RABGAP1L: variants seen among roughly 807,000 people sequenced by gnomAD.
RABGAP1L encodes the protein RAB GTPase activating protein 1 like, also known as rab GTPase-activating protein 1-like.
In RABGAP1L, 63 loss-of-function variants were observed where a neutral mutation model predicts 137.7. That is an observed-to-expected ratio of 0.46 (90% CI 0.37 to 0.56). The LOEUF (loss-of-function observed/expected upper bound fraction) is 0.56. Ranked by LOEUF, RABGAP1L falls within the 20% of genes least tolerant of loss-of-function variation. RABGAP1L has a pLI of 0.00. For synonymous variants in RABGAP1L, 431 were observed against 433.7 expected (o/e 0.99, Z 0.08); for missense variants, 1,095 against 1,244.0 (o/e 0.88, Z 1.80).
At chr1:174,195,644 C>T (rs1447321162) in intron 1 of RABGAP1L, among the ~76,000 whole-genome samples, 2 of 87,694 alleles carry the variant, frequency 2.3e-5, no homozygotes, top group Admixed American at 1.2e-4. Flanking sequence ...TTCCTTCCTT[C>T]CTTCCTTCCT....
chr1:174,622,380 T>C (rs1672578060), intron 13 of RABGAP1L, among the ~76,000 whole-genome samples: 1 of 152,196 alleles, frequency 6.6e-6, no homozygotes, highest in Non-Finnish European at 1.5e-5. Flanking sequence ...CTATAAATCA[T>C]GATGGTGTAA....
At chr1:174,322,103 A>T (rs1444746611) in intron 11 of RABGAP1L, among the ~76,000 whole-genome samples, 1 of 152,098 alleles carries the variant, frequency 6.6e-6, no homozygotes, top group African/African-American at 2.4e-5. Context: ...TAATTTGGCA[A>T]TTCTTTTCCT....
intron 14 of RABGAP1L, among the ~76,000 whole-genome samples, chr1:174,649,410 C>G: frequency 6.6e-6 from 1 of 151,980 alleles, no homozygotes; most frequent in Non-Finnish European, 1.5e-5. Flanking sequence ...TGACAAAATC[C>G]CTCGGCGATG....
At chr1:174,554,908 C>A (rs1299387133) in intron 13 of RABGAP1L, among the ~76,000 whole-genome samples, 1 of 152,082 alleles carries the variant, frequency 6.6e-6, no homozygotes, top group East Asian at 1.9e-4. Context: ...ATTTCCTAAT[C>A]TTTTTTGCAT....
At chr1:174,201,986 A>C (rs943898757) in intron 1 of RABGAP1L, among the ~76,000 whole-genome samples, 14 of 151,764 alleles carry the variant, frequency 9.2e-5, no homozygotes, top group Non-Finnish European at 8.8e-5. Flanking sequence ...TGAACTCATC[A>C]TTTTTTATGG....
intron 19 of RABGAP1L, among the ~76,000 whole-genome samples, chr1:174,869,624 G>C (rs917904714): frequency 6.6e-6 from 1 of 152,110 alleles, no homozygotes; most frequent in Non-Finnish European, 1.5e-5. Context: ...ACCAAGGAGT[G>C]AGACAACTTA....
At chr1:174,530,567 C>G (rs2147884630) in intron 13 of RABGAP1L, among the ~76,000 whole-genome samples, 1 of 152,270 alleles carries the variant, frequency 6.6e-6, no homozygotes, top group South Asian at 2.1e-4. Context: ...GAGGATCTTT[C>G]AATTACCTTT....
At chr1:174,610,682 G>A (rs1353238455) in intron 13 of RABGAP1L, among the ~76,000 whole-genome samples, 2 of 152,160 alleles carry the variant, frequency 1.3e-5, no homozygotes, top group Non-Finnish European at 2.9e-5. Flanking sequence ...CAGTGTAAAA[G>A]TATTCCTATT....
intron 13 of RABGAP1L, among the ~76,000 whole-genome samples, chr1:174,580,490 A>G (rs1333293656): frequency 6.6e-6 from 1 of 152,250 alleles, no homozygotes; most frequent in Admixed American, 6.5e-5. Flanking sequence ...AGGGACATGG[A>G]TTAAGCTGGA....
intron 19 of RABGAP1L, among the ~76,000 whole-genome samples, chr1:174,943,672 A>T (rs1666260798): frequency 1.3e-5 from 2 of 151,964 alleles, no homozygotes; most frequent in Non-Finnish European, 2.9e-5. Flanking sequence ...GGTCTCTACT[A>T]AAAATACAAA....
chr1:174,336,799 T>C (rs1571278733), intron 11 of RABGAP1L, among the ~76,000 whole-genome samples: 2 of 152,008 alleles, frequency 1.3e-5, no homozygotes, highest in Admixed American at 6.6e-5. Context: ...TTCCATGCAA[T>C]AATCTTGGCA....
intron 13 of RABGAP1L, among the ~76,000 whole-genome samples, chr1:174,622,711 A>AG (rs762653534): frequency 2.6e-5 from 4 of 152,160 alleles, no homozygotes; most frequent in African/African-American, 4.8e-5. Context: ...TTGTGGAGTG[A>AG]GGGAAGGCAG....
chr1:174,285,657 G>A (rs957859593), intron 10 of RABGAP1L, among the ~76,000 whole-genome samples: 2 of 151,736 alleles, frequency 1.3e-5, no homozygotes, highest in African/African-American at 4.8e-5. Context: ...TCAGTACTAT[G>A]TTGAATAGAT....
intron 18 of RABGAP1L, among the ~76,000 whole-genome samples, chr1:174,765,106 C>T (rs980937971): frequency 2.6e-5 from 4 of 152,168 alleles, no homozygotes; most frequent in Non-Finnish European, 5.9e-5. Context: ...GAATTCCTCC[C>T]GTATTAGCAG....
intron 11 of RABGAP1L, among the ~76,000 whole-genome samples, chr1:174,352,236 T>A (rs1297926107): frequency 6.6e-6 from 1 of 152,206 alleles, no homozygotes; most frequent in African/African-American, 2.4e-5. Flanking sequence ...ACCTTGTAGT[T>A]ATGGTGCATT....
At chr1:174,450,231 T>A (rs534247746) in intron 13 of RABGAP1L, among the ~76,000 whole-genome samples, 2 of 152,256 alleles carry the variant, frequency 1.3e-5, no homozygotes, top group East Asian at 1.9e-4. Flanking sequence ...ATGCCCTTTT[T>A]AAAAATAAAT....
chr1:174,570,997 A>G, intron 13 of RABGAP1L, among the ~76,000 whole-genome samples: 1 of 152,242 alleles, frequency 6.6e-6, no homozygotes, highest in East Asian at 1.9e-4. Flanking sequence ...TGTTTACAAT[A>G]GCTAAGATTT....
At chr1:174,521,916 T>C (rs1663429844) in intron 13 of RABGAP1L, among the ~76,000 whole-genome samples, 1 of 151,690 alleles carries the variant, frequency 6.6e-6, no homozygotes, top group South Asian at 2.1e-4. Flanking sequence ...CCATCTCTAC[T>C]AAAAATACAA....
chr1:174,778,742 C>T (rs1483174393), intron 18 of RABGAP1L, among the ~76,000 whole-genome samples: 1 of 152,010 alleles, frequency 6.6e-6, no homozygotes, highest in Non-Finnish European at 1.5e-5. Context: ...TTACAGGTGC[C>T]TGCCACCATG....
Sources: allele counts gnomAD v4.1 joint callset (sites outside exome capture counted in the v4.1 genomes callset), GRCh38; gene constraint gnomAD v4.1.1; transcripts MANE v1.5; gene names NCBI Gene and HGNC (gene_info 2026-07-23, HGNC 2026-07-21).